GPC5: variants seen among roughly 807,000 people sequenced by gnomAD.
GPC5 encodes glypican-5.
Under a neutral mutation model 53.9 loss-of-function variants are expected in GPC5, and 47 were observed. The ratio of observed to expected loss-of-function variants is 0.87; its 90% CI spans 0.69 to 1.11. The LOEUF (loss-of-function observed/expected upper bound fraction) is 1.11. Ranked by LOEUF, GPC5 falls within the 50% of genes most tolerant of loss-of-function variation. The probability of loss-of-function intolerance (pLI) is 0.00; values close to 1 mark genes in which losing one functional copy is unlikely to be tolerated. For synonymous variants in GPC5, 286 were observed against 263.3 expected, an observed-to-expected ratio of 1.09 and a Z score of -0.84; for missense variants, 748 against 713.1, an observed-to-expected ratio of 1.05 and a Z score of -0.56.
rs554213198 is a variant in GPC5 at position 92,849,358 on chromosome 13, A to G, written c.1562-16924A>G. ...GAGGTTGAAGTATTAAGTTAAATAT[A>G]GCAATTTATAATACACATGATGGAT... is the stretch of plus-strand genomic sequence containing the variant. On this transcript the variant is annotated intron_variant, in intron 7 of 7. Coordinates refer to ENST00000377067, the MANE Select transcript of GPC5 (RefSeq NM_004466.6). Among the ~76,000 whole-genome samples the G allele has an allele frequency of 4.6e-5, 7 of 152,366 alleles. No homozygotes were observed. The South Asian group carries it at 1.4e-3, about 32-fold the overall frequency.
intron 7 of GPC5, among the ~76,000 whole-genome samples, chr13:92,706,675 CT>C (rs1286393793): frequency 4.6e-5 from 7 of 152,108 alleles, no homozygotes; most frequent in African/African-American, 7.2e-5. Context: ...TTAGCCTCCC[CT>C]GGTAATGGAA....
chr13:91,651,762 A>C (rs2139560200), intron 2 of GPC5, among the ~76,000 whole-genome samples: 1 of 152,242 alleles, frequency 6.6e-6, no homozygotes, highest in African/African-American at 2.4e-5. Context: ...GTTCTATATT[A>C]ATTAAGGAAA....
chr13:91,876,551 C>G (rs374486821), intron 5 of GPC5, among the ~76,000 whole-genome samples: 2 of 152,090 alleles, frequency 1.3e-5, no homozygotes, highest in Admixed American at 1.3e-4. Context: ...GAACTTTGAA[C>G]TTGAAAGAAA....
At chr13:92,837,717 G>T (rs1878265610) in intron 7 of GPC5, among the ~76,000 whole-genome samples, 4 of 152,124 alleles carry the variant, frequency 2.6e-5, no homozygotes. Context: ...CCGGTAGGAG[G>T]AACCCTGGAT....
chr13:92,530,778 T>C (rs980548579), intron 7 of GPC5, among the ~76,000 whole-genome samples: 2 of 152,216 alleles, frequency 1.3e-5, no homozygotes, highest in African/African-American at 4.8e-5. Context: ...AACTCATACT[T>C]GTGCACATTT....
At chr13:91,958,521 A>C (rs577215809) in intron 6 of GPC5, among the ~76,000 whole-genome samples, 2 of 152,188 alleles carry the variant, frequency 1.3e-5, no homozygotes, top group African/African-American at 2.4e-5. Flanking sequence ...TGCATTTTAA[A>C]CTTCATGGAC....
In GPC5 at chr13:91,496,157, G is replaced by T. The variant is rs118059310; in HGVS notation, c.325+47235G>T. Among the ~76,000 whole-genome samples the T allele has an allele frequency of 4.7e-3, 710 of 152,212 alleles. 8 individuals are homozygous for T. Among genetic ancestry groups the T allele is most frequent in the Non-Finnish European group, 7.6e-3 (517 of 68,012 alleles). ...TTTAAAAACAATTGCATTATGCAAA[G>T]GAATACAAATAAAAGCTTAAAAGTA... is the stretch of plus-strand genomic sequence containing the variant. On this transcript the variant is annotated intron_variant, in intron 2 of 7. Coordinates refer to ENST00000377067, the MANE Select transcript of GPC5 (RefSeq NM_004466.6).
intron 7 of GPC5, among the ~76,000 whole-genome samples, chr13:92,325,103 GAC>G (rs140189672): frequency 0.023 from 3,366 of 146,246 alleles, 49 homozygotes; most frequent in South Asian, 0.035. Context: ...AATAACTTCT[GAC>G]ACACACACAC....
chr13:92,851,887 C>CAAAAAAAAAAAAAAAAAAAAAAAAAA (rs71202563), intron 7 of GPC5, among the ~76,000 whole-genome samples: 1 of 59,204 alleles, frequency 1.7e-5, no homozygotes. Flanking sequence ...GACTCCGTCT[C>CAAAAAAAAAAAAAAAAAAAAAAAAAA]AAAAAAAAAA....
At chr13:92,456,263 G>A (rs2139404093) in intron 7 of GPC5, among the ~76,000 whole-genome samples, 1 of 152,254 alleles carries the variant, frequency 6.6e-6, no homozygotes, top group Admixed American at 6.5e-5. Context: ...TTGCTCTTAA[G>A]TTCTCGAAGG....
chr13:92,125,853 ATG>A (rs1031015258), intron 6 of GPC5, among the ~76,000 whole-genome samples: 1 of 147,760 alleles, frequency 6.8e-6, no homozygotes, highest in African/African-American at 2.5e-5. Context: ...GGAAAGATAT[ATG>A]TGAGTTGAGT....
intron 3 of GPC5, among the ~76,000 whole-genome samples, chr13:91,698,919 A>G (rs992412951): frequency 2.0e-5 from 3 of 152,170 alleles, no homozygotes; most frequent in African/African-American, 7.2e-5. Context: ...AAAGTAAGAC[A>G]CGCAGACACA....
intron 6 of GPC5, among the ~76,000 whole-genome samples, chr13:92,089,370 C>T (rs1323708569): frequency 2.0e-5 from 3 of 152,062 alleles, no homozygotes; most frequent in Non-Finnish European, 4.4e-5. Context: ...GGAGGCAGAG[C>T]TTGCAGTGAG....
chr13:92,302,312 T>C (rs900587548), intron 7 of GPC5, among the ~76,000 whole-genome samples: 3 of 152,130 alleles, frequency 2.0e-5, no homozygotes, highest in Non-Finnish European at 4.4e-5. Flanking sequence ...TTGTTGACAT[T>C]GATTTTTTAA....
intron 6 of GPC5, among the ~76,000 whole-genome samples, chr13:92,067,112 T>G (rs2041173733): frequency 6.6e-6 from 1 of 152,122 alleles, no homozygotes; most frequent in Admixed American, 6.5e-5. Context: ...TCTTTCTTGT[T>G]ATTTTAAACA....
At chr13:92,567,637 C>G (rs1430177414) in intron 7 of GPC5, among the ~76,000 whole-genome samples, 1 of 152,072 alleles carries the variant, frequency 6.6e-6, no homozygotes, top group Non-Finnish European at 1.5e-5. Flanking sequence ...ATACAGGACT[C>G]TCAGATACTA....
chr13:92,081,944 A>G (rs2041299218), intron 6 of GPC5, among the ~76,000 whole-genome samples: 1 of 152,216 alleles, frequency 6.6e-6, no homozygotes, highest in South Asian at 2.1e-4. Flanking sequence ...AAGTAGACAT[A>G]TAAACACCAA....
chr13:92,284,062 A>G (rs1261666313), intron 7 of GPC5, among the ~76,000 whole-genome samples: 1 of 151,096 alleles, frequency 6.6e-6, no homozygotes, highest in Non-Finnish European at 1.5e-5. Flanking sequence ...GGATATCACC[A>G]CTGATCCCAC....
intron 7 of GPC5, among the ~76,000 whole-genome samples, chr13:92,697,522 T>C (rs930439867): frequency 3.3e-5 from 5 of 152,190 alleles, no homozygotes; most frequent in Non-Finnish European, 5.9e-5. Context: ...TAGGAATGCT[T>C]GTGATTTTTG....
Sources: allele counts gnomAD v4.1 joint callset (sites outside exome capture counted in the v4.1 genomes callset), GRCh38; gene constraint gnomAD v4.1.1; transcripts MANE v1.5; gene names NCBI Gene and HGNC (gene_info 2026-07-23, HGNC 2026-07-21).